FBN2: variants seen among roughly 807,000 people sequenced by gnomAD.
FBN2 encodes the protein fibrillin 2.
FBN2 carries 105 observed loss-of-function variants against 355.6 expected under a neutral mutation model. The ratio of observed to expected loss-of-function variants is 0.30; its 90% CI spans 0.25 to 0.35. The LOEUF is 0.35. Among genes scored for constraint, FBN2 ranks in the 10% least tolerant of loss-of-function variants. The pLI is 1.00. For missense variants in FBN2, 3,280 were observed against 3,758.7 expected, an observed-to-expected ratio of 0.87 and a Z score of 3.33; for synonymous variants, 1,350 against 1,301.2, an observed-to-expected ratio of 1.04 and a Z score of -0.81.
chr5:128,483,424 C>T (rs987013036), intron 5 of FBN2, among the ~76,000 whole-genome samples: 1 of 151,930 alleles, frequency 6.6e-6, no homozygotes, highest in African/African-American at 2.4e-5. Context: ...TGAGAAGTGA[C>T]ATCCAACAAG....
chr5:128,386,955 T>C (rs561150109), intron 11 of FBN2, among the ~76,000 whole-genome samples: 13 of 152,284 alleles, frequency 8.5e-5, no homozygotes, highest in Admixed American at 3.3e-4. Context: ...TCAGGCTTCA[T>C]AGAATGAGTT....
intron 14 of FBN2, among the ~76,000 whole-genome samples, chr5:128,376,453 A>G (rs1752079851): frequency 6.6e-6 from 1 of 152,184 alleles, no homozygotes; most frequent in South Asian, 2.1e-4. Context: ...GTTGAGAGAA[A>G]TTATTTCTAC....
intron 4 of FBN2, among the ~76,000 whole-genome samples, chr5:128,522,392 TCAC>T (rs1756453970): frequency 6.6e-6 from 1 of 152,168 alleles, no homozygotes; most frequent in African/African-American, 2.4e-5. Context: ...CAGCACCCAC[TCAC>T]CACACCACCT....
intron 4 of FBN2, 94 bp downstream of exon 4, chr5:128,527,778 T>A: frequency 2.1e-6 from 2 of 933,572 alleles, no homozygotes; most frequent in Admixed American, 4.0e-5. Context: ...AATTGTTTTT[T>A]CAAAAGATCA....
At chr5:128,396,650 T>C (rs1474303413) in intron 8 of FBN2, among the ~76,000 whole-genome samples, 1 of 152,262 alleles carries the variant, frequency 6.6e-6, no homozygotes, top group Non-Finnish European at 1.5e-5. Flanking sequence ...TGCAAAAGAC[T>C]GCATAAAATG....
At position 128,310,388 on chromosome 5, in the gene FBN2, ATATATATATATATATTTTTTTT is replaced by A. The variant is rs1415048918; in HGVS notation, c.5075-302_5075-281del. The stretch of plus-strand genomic sequence containing the variant: ...CACATATATATATATATATATATAT[ATATATATATATATATTTTTTTT>A]TTTTTTTTTTTATTGCAATTCGCAT... On this transcript the variant is annotated intron_variant, in intron 39 of 64. Transcript: ENST00000262464. 0.059 allele frequency among the ~76,000 whole-genome samples: 4,375 copies of A among 74,020 alleles called. 155 individuals carry two copies. The highest frequency in any genetic ancestry group is 0.064 in the Non-Finnish European group (2,675 of 42,070). 48.6% of individuals were successfully genotyped at this position (74,020 alleles called of 152,430 possible).
intron 7 of FBN2, among the ~76,000 whole-genome samples, chr5:128,431,975 C>T (rs544143919): frequency 1.2e-4 from 19 of 152,242 alleles, no homozygotes; most frequent in African/African-American, 2.6e-4. Flanking sequence ...GTACCTGAAA[C>T]TGTAGAAAGT....
At chr5:128,328,524 G>A (rs978666713) in intron 34 of FBN2, 172 bp downstream of exon 34, 11 of 742,184 alleles carry the variant, frequency 1.5e-5, no homozygotes, top group African/African-American at 6.9e-5. Flanking sequence ...GATGAAAGCC[G>A]CCATCATCAT....
intron 5 of FBN2, among the ~76,000 whole-genome samples, chr5:128,519,027 C>G (rs560276160): frequency 4.6e-5 from 7 of 152,104 alleles, no homozygotes; most frequent in African/African-American, 7.2e-5. Context: ...GTCACTCACT[C>G]AAAATTACCC....
chr5:128,479,668 T>C (rs1340636520), intron 5 of FBN2, among the ~76,000 whole-genome samples: 1 of 152,004 alleles, frequency 6.6e-6, no homozygotes, highest in Non-Finnish European at 1.5e-5. Flanking sequence ...GGCTCATGTC[T>C]GAAATCCCAG....
intron 5 of FBN2, among the ~76,000 whole-genome samples, chr5:128,481,176 CA>C (rs1455232853): frequency 1.9e-5 from 2 of 106,422 alleles, no homozygotes; most frequent in Non-Finnish European, 3.6e-5. Context: ...AATTTTTACT[CA>C]GGGAAAAAAA....
intron 5 of FBN2, among the ~76,000 whole-genome samples, chr5:128,494,221 G>A (rs986479031): frequency 2.6e-5 from 4 of 152,148 alleles, no homozygotes; most frequent in Admixed American, 1.3e-4. Context: ...TTTACCCAAA[G>A]AGAAAGGCAG....
intron 5 of FBN2, among the ~76,000 whole-genome samples, chr5:128,516,749 G>A (rs1269042818): frequency 3.3e-5 from 5 of 151,882 alleles, no homozygotes; most frequent in Non-Finnish European, 7.4e-5. Flanking sequence ...CGCTAACAGG[G>A]CACATGAGCT....
chr5:128,403,704 C>CT (rs553448887), intron 8 of FBN2, among the ~76,000 whole-genome samples: 277 of 147,424 alleles, frequency 1.9e-3, no homozygotes, highest in African/African-American at 5.0e-3. Flanking sequence ...GTTTTAACTC[C>CT]TTTTTTTTTT....
intron 48 of FBN2, among the ~76,000 whole-genome samples, chr5:128,296,050 C>T (rs1393935568): frequency 3.3e-5 from 5 of 151,856 alleles, no homozygotes; most frequent in Admixed American, 6.6e-5. Context: ...GCATGAAGCA[C>T]TGTTGAATTT....
At chr5:128,274,456 ATTGGT>A in intron 60 of FBN2, 106 bp downstream of exon 60, 1 of 737,712 alleles carries the variant, frequency 1.4e-6, no homozygotes, top group Non-Finnish European at 2.5e-6. Context: ...ATTATGGGGT[ATTGGT>A]TACTGAACAT....
rs749428195 is a variant in FBN2 at position 128,395,210 on chromosome 5, C to T, written c.1143G>A (p.Gly381=). 1 of 1,614,062 alleles carries T rather than the reference C, an allele frequency of 6.2e-7. No homozygotes were observed. Among genetic ancestry groups the T allele is most frequent in the Non-Finnish European group, 8.5e-7 (1 of 1,179,988 alleles). ...AGCAGCACTGCATTTTCGTCATTCT[C>T]CCCGGGAGCTCTTGTGCACAGCGGC... ...VNGRCAQELP[G]RMTKMQCCCE... Residue 381 remains glycine, a synonymous_variant, in exon 9 of 65, where the codon GGG becomes GGA. Coordinates refer to ENST00000262464, the MANE Select transcript of FBN2 (RefSeq NM_001999.4).
At chr5:128,475,080 T>A (rs953049933) in intron 5 of FBN2, among the ~76,000 whole-genome samples, 2 of 152,092 alleles carry the variant, frequency 1.3e-5, no homozygotes, top group African/African-American at 4.8e-5. Flanking sequence ...GTGGTAGTGG[T>A]CTGTAAGGAG....
chr5:128,379,049 T>G (rs1239035189), intron 11 of FBN2, among the ~76,000 whole-genome samples, 159 bp from the exon 12 acceptor site: 3 of 152,190 alleles, frequency 2.0e-5, no homozygotes, highest in Non-Finnish European at 4.4e-5. Context: ...TCTCTTCAAA[T>G]ACACTCAGAG....
Sources: allele counts gnomAD v4.1 joint callset (sites outside exome capture counted in the v4.1 genomes callset), GRCh38; gene constraint gnomAD v4.1.1; transcripts MANE v1.5; gene names NCBI Gene and HGNC (gene_info 2026-07-23, HGNC 2026-07-21).